KCNG2: variants seen among roughly 807,000 people sequenced by gnomAD.
KCNG2 encodes the protein potassium voltage-gated channel modifier subfamily G member 2.
A neutral mutation model predicts 12.3 loss-of-function variants in KCNG2; 7 were observed. The ratio of observed to expected loss-of-function variants is 0.57; its 90% CI spans 0.32 to 1.07. The LOEUF is 1.07. Among genes scored for constraint, KCNG2 ranks in the 50% least tolerant of loss-of-function variants. KCNG2 has a pLI of 0.04. For missense variants in KCNG2, 703 were observed against 726.0 expected (o/e 0.97, Z 0.36); for synonymous variants, 414 against 351.4 (o/e 1.18, Z -1.99).
intron 1 of KCNG2, among the ~76,000 whole-genome samples, chr18:79,844,917 A>G (rs1978573073): frequency 1.3e-5 from 2 of 152,248 alleles, no homozygotes; most frequent in African/African-American, 2.4e-5. Context: ...ATCAAAAGTA[A>G]AACCTGTTGC....
chr18:79,855,824 G>T (rs976547282), intron 1 of KCNG2, among the ~76,000 whole-genome samples: 9 of 152,094 alleles, frequency 5.9e-5, no homozygotes, highest in African/African-American at 2.2e-4. Flanking sequence ...CAAACTGGTT[G>T]ATCTAGTCTA....
chr18:79,900,049 G>C lies in KCNG2; in HGVS notation c.*233G>C. The C allele has an allele frequency of 2.7e-6, 1 of 368,244 alleles. No individual in the cohort carries two copies. The highest frequency in any genetic ancestry group is 7.1e-4 in the Middle Eastern group (1 of 1,410). 22.8% of individuals were successfully genotyped at this position (368,244 alleles called of 1,614,324 possible). ...TCCTCCTGCCCCACCCCTTTCCTTGGATTTTTAATTTTCTACGCCTAGCTA... is the reference window on the plus strand; with the variant it reads ...TCCTCCTGCCCCACCCCTTTCCTTGCATTTTTAATTTTCTACGCCTAGCTA... On this transcript the variant is annotated 3_prime_UTR_variant, in exon 4 of 4. Coordinates refer to ENST00000316249, the MANE Select transcript of KCNG2 (RefSeq NM_012283.2).
chr18:79,823,707 T>A (rs1443798830), intron 1 of KCNG2, among the ~76,000 whole-genome samples: 1 of 152,186 alleles, frequency 6.6e-6, no homozygotes, highest in African/African-American at 2.4e-5. Flanking sequence ...CCTTGTTGTT[T>A]TTCTTTTTCC....
In KCNG2 at chr18:79,847,081, T is replaced by C. The variant is rs138960622; in HGVS notation, c.-114-9298T>C. 3.3e-5 allele frequency among the ~76,000 whole-genome samples: 5 copies of C among 152,350 alleles called. No individual in the cohort carries two copies. The East Asian group carries it at 9.6e-4, about 29-fold the overall frequency. On this transcript the variant is annotated intron_variant, in intron 1 of 3. Transcript: ENST00000316249. ...GGCTGATGAAAGCATTTATCTGCAA[T>C]GGCTGGATTATCTGGCAACATCTAC...
At chr18:79,830,190 G>A (rs375963565) in intron 1 of KCNG2, among the ~76,000 whole-genome samples, 1 of 152,294 alleles carries the variant, frequency 6.6e-6, no homozygotes, top group East Asian at 1.9e-4. Flanking sequence ...GTGAGAAGAC[G>A]AATCGTGTCC....
intron 3 of KCNG2, among the ~76,000 whole-genome samples, chr18:79,894,882 G>A (rs1422574565): frequency 2.0e-5 from 3 of 149,394 alleles, no homozygotes; most frequent in Admixed American, 6.6e-5. Context: ...CTAATGGTAC[G>A]ATTGATATAG....
rs868705967 is a variant in KCNG2 at position 79,809,583 on chromosome 18, C to A, written c.-115+11569C>A. 2.0e-3 allele frequency among the ~76,000 whole-genome samples: 200 copies of A among 98,296 alleles called. 1 individual carries two copies. The highest frequency in any genetic ancestry group is 6.3e-3 in the Middle Eastern group (1 of 160). The allele number at this position is 98,296 out of a possible 152,430, so 64.5% of individuals were successfully genotyped here. On this transcript the variant is annotated intron_variant, in intron 1 of 3. Coordinates refer to ENST00000316249, the MANE Select transcript of KCNG2 (RefSeq NM_012283.2). ...TCCGCGCTCTGAGGAGCTGCCGGGGCCTCACTGACCACACTCCACGTTACG... is the reference window on the plus strand; with the variant it reads ...TCCGCGCTCTGAGGAGCTGCCGGGGACTCACTGACCACACTCCACGTTACG...
At chr18:79,841,466 A>G (rs1403476785) in intron 1 of KCNG2, among the ~76,000 whole-genome samples, 1 of 152,242 alleles carries the variant, frequency 6.6e-6, no homozygotes, top group African/African-American at 2.4e-5. Context: ...GGTTTTAAAG[A>G]TAAGCTGTAG....
In KCNG2 at chr18:79,899,352, C is replaced by G; in HGVS notation, c.937C>G (p.Leu313Val). ...CTCGCTGGGGCTGCGTTCGCTGGGC[C>G]TGACCATGCGCCGCTGCGCGCGCGA... ...RHSLGLRSLG[L>V]TMRRCAREFG... The change falls in exon 4 of 4, where the codon CTG becomes GTG. Residue 313 changes from leucine (L) to valine (V), a missense_variant. Coordinates refer to ENST00000316249, the MANE Select transcript of KCNG2 (RefSeq NM_012283.2). The G allele has an allele frequency of 1.3e-6, 2 of 1,556,190 alleles. No individual in the cohort carries two copies. Among genetic ancestry groups the G allele is most frequent in the Non-Finnish European group, 1.7e-6 (2 of 1,158,110 alleles).
At chr18:79,862,106 T>C (rs1307360980) in intron 2 of KCNG2, among the ~76,000 whole-genome samples, 2 of 152,272 alleles carry the variant, frequency 1.3e-5, no homozygotes, top group African/African-American at 4.8e-5. Context: ...GTGAGTCCAA[T>C]ATCTGTGTTT....
Position 79,863,909 on chromosome 18 carries a change from T to C in KCNG2, c.242T>C (p.Ile81Thr). The C allele has an allele frequency of 7.1e-7, 1 of 1,409,612 alleles. No homozygotes were observed. The highest frequency in any genetic ancestry group is 9.3e-7 in the Non-Finnish European group (1 of 1,076,838). 87.3% of individuals were successfully genotyped at this position (1,409,612 alleles called of 1,614,324 possible). ...CGCAGCCCGTGCGCCTTCCGCGCCA[T>C]CGTGGCGCTTTTGCGCGCAGGGAAG... Reference protein sequence around the residue: ...FDRSPCAFRAIVALLRAGKLR... With the variant: ...FDRSPCAFRATVALLRAGKLR... The change falls in exon 3 of 4, where the codon ATC (isoleucine) becomes ACC (threonine). Residue 81 changes from isoleucine to threonine, a missense_variant. Ile to Thr is a moderately conservative substitution (Grantham distance 89). Coordinates refer to ENST00000316249, the MANE Select transcript of KCNG2 (RefSeq NM_012283.2).
At chr18:79,897,248 G>C (rs1328236698) in intron 3 of KCNG2, among the ~76,000 whole-genome samples, 1 of 151,678 alleles carries the variant, frequency 6.6e-6, no homozygotes, top group African/African-American at 2.4e-5. Flanking sequence ...TTCCTAAAGC[G>C]CTGTTTGGTT....
intron 1 of KCNG2, chr18:79,816,214 T>A (rs1005654929): frequency 3.3e-5 from 5 of 152,280 alleles, no homozygotes; most frequent in African/African-American, 7.2e-5. Flanking sequence ...TCTGTGGCAT[T>A]TCGGGGTGTC....
chr18:79,870,170 G>A (rs72980082), intron 3 of KCNG2, among the ~76,000 whole-genome samples: 4 of 152,156 alleles, frequency 2.6e-5, no homozygotes, highest in Non-Finnish European at 4.4e-5. Context: ...TCTCCCCACC[G>A]TCTGCTCCCA....
chr18:79,810,144 G>T (rs1410188610), intron 1 of KCNG2, among the ~76,000 whole-genome samples: 2 of 152,186 alleles, frequency 1.3e-5, no homozygotes, highest in African/African-American at 4.8e-5. Context: ...GGCAGAATCT[G>T]ATTTAAAAGC....
At chr18:79,853,973 G>T (rs919570014) in intron 1 of KCNG2, among the ~76,000 whole-genome samples, 9 of 152,264 alleles carry the variant, frequency 5.9e-5, no homozygotes, top group African/African-American at 2.2e-4. Context: ...AAACAGCACA[G>T]ACCAGTTTCC....
chr18:79,884,764 G>C lies in KCNG2; in HGVS notation c.625-14276G>C, dbSNP rs532084220. On this transcript the variant is annotated intron_variant, in intron 3 of 3. Transcript: ENST00000316249. This position sits in a 1 kb window ranked among gnomAD's most constrained non-coding sequence, Gnocchi z 5.5. ...GTCCGCCCGGCTCTGTGTTCCTCGG[G>C]GGGGCTCATCCTGGGGCCCAGGAAC... 7.9e-5 allele frequency among the ~76,000 whole-genome samples: 12 copies of C among 152,344 alleles called. No homozygotes were observed. The highest frequency in any genetic ancestry group is 1.9e-4 in the East Asian group (1 of 5,176).
intron 2 of KCNG2, among the ~76,000 whole-genome samples, chr18:79,857,063 C>CGCCCCCGCAGCTGCCCCCCACAGCT (rs1568258051): frequency 6.0e-5 from 2 of 33,458 alleles, no homozygotes; most frequent in African/African-American, 1.5e-4. Flanking sequence ...CCCCCACAGC[C>CGCCCCCGCAGCTGCCCCCCACAGCT]GCCCCCACAG....
intron 3 of KCNG2, among the ~76,000 whole-genome samples, chr18:79,881,685 T>TC (rs1980302230): frequency 6.6e-6 from 1 of 152,200 alleles, no homozygotes; most frequent in Admixed American, 6.5e-5. Context: ...CTCCCCATAG[T>TC]CCATCTCCAG....
Sources: allele counts gnomAD v4.1 joint callset (sites outside exome capture counted in the v4.1 genomes callset), GRCh38; gene constraint gnomAD v4.1.1; non-coding constraint Gnocchi (gnomAD v3.1); transcripts MANE v1.5; gene names NCBI Gene and HGNC (gene_info 2026-07-23, HGNC 2026-07-21).